BMAL1: variants seen among roughly 807,000 people sequenced by gnomAD.
BMAL1 encodes basic helix-loop-helix ARNT like 1.
the BMAL1 span, chr11:13,376,404 T>G: frequency 1.8e-6 from 1 of 543,166 alleles, no homozygotes; most frequent in Non-Finnish European, 3.3e-6. Flanking sequence ...AGCCACCACC[T>G]CTGCTGAACT....
At chr11:13,288,666 C>CAGTT in the BMAL1 span, among the ~76,000 whole-genome samples, 106 of 151,938 alleles carry the variant, frequency 7.0e-4, no homozygotes, top group South Asian at 7.1e-3. Flanking sequence ...AGCATCAGTC[C>CAGTT]AGTGTTAGTG....
the BMAL1 span, chr11:13,386,937 C>T: frequency 7.1e-6 from 4 of 559,932 alleles, no homozygotes; most frequent in South Asian, 1.6e-4. Flanking sequence ...CAAAGTGGAA[C>T]TAAGCCTGCT....
chr11:13,340,260 A>G, the BMAL1 span, among the ~76,000 whole-genome samples: 1 of 152,296 alleles, frequency 6.6e-6, no homozygotes, highest in South Asian at 2.1e-4. Flanking sequence ...AGCTGATGCT[A>G]CTATGTCACC....
chr11:13,288,430 T>TTTTC, the BMAL1 span, among the ~76,000 whole-genome samples: 1 of 5,146 alleles, frequency 1.9e-4, no homozygotes. Context: ...TTTTCTTTTT[T>TTTTC]TTTTTTTTGT....
At chr11:13,372,072 CTCCCTACCTACA>C in the BMAL1 span, 1 of 1,514,658 alleles carries the variant, frequency 6.6e-7, no homozygotes, top group Non-Finnish European at 8.9e-7. Context: ...TATTTTTTGA[CTCCCTACCTACA>C]TCCCATCCCA....
At chr11:13,298,201 T>C in the BMAL1 span, among the ~76,000 whole-genome samples, 2 of 152,232 alleles carry the variant, frequency 1.3e-5, no homozygotes, top group Non-Finnish European at 2.9e-5. Flanking sequence ...CAGCTGTACA[T>C]GCTGCTCCTA....
At chr11:13,278,348 A>G in the BMAL1 span, among the ~76,000 whole-genome samples, 93,614 of 152,106 alleles carry the variant, frequency 0.62, 29,674 homozygotes, top group Non-Finnish European at 0.7. Context: ...ACTCGGCCGA[A>G]GAGGACTCCT....
At chr11:13,355,196 C>A in the BMAL1 span, 3 of 1,597,316 alleles carry the variant, frequency 1.9e-6, no homozygotes, top group South Asian at 3.4e-5. Flanking sequence ...GGAGGTATAC[C>A]CCCTACAGCA....
chr11:13,306,877 A>C, the BMAL1 span, among the ~76,000 whole-genome samples: 1 of 152,232 alleles, frequency 6.6e-6, no homozygotes, highest in African/African-American at 2.4e-5. Flanking sequence ...GTGTGTTGGC[A>C]TCAGACCTCT....
chr11:13,307,491 C>G, the BMAL1 span, among the ~76,000 whole-genome samples: 1 of 152,166 alleles, frequency 6.6e-6, no homozygotes, highest in South Asian at 2.1e-4. Context: ...GTTAGACAGG[C>G]AAGACTTGGT....
At chr11:13,363,076 G>A in the BMAL1 span, among the ~76,000 whole-genome samples, 4 of 141,832 alleles carry the variant, frequency 2.8e-5, no homozygotes, top group Non-Finnish European at 3.1e-5. Context: ...GACATTTTGG[G>A]CTGGGGTACA....
At chr11:13,376,847 T>C in the BMAL1 span, 1 of 891,960 alleles carries the variant, frequency 1.1e-6, no homozygotes, top group South Asian at 1.7e-5. Flanking sequence ...AAGGGAGGCC[T>C]CGAGGGGATG....
At chr11:13,375,792 C>A in the BMAL1 span, 2 of 1,515,088 alleles carry the variant, frequency 1.3e-6, no homozygotes, top group South Asian at 1.3e-5. Flanking sequence ...CTGAAGCTCC[C>A]CTTGCTTCAA....
At chr11:13,372,117 T>C in the BMAL1 span, 9 of 1,607,834 alleles carry the variant, frequency 5.6e-6, no homozygotes, top group Middle Eastern at 4.1e-4. Flanking sequence ...TACACCTCCA[T>C]GGCCCAAACC....
chr11:13,310,895 G>C, the BMAL1 span, among the ~76,000 whole-genome samples: 1 of 152,326 alleles, frequency 6.6e-6, no homozygotes, highest in African/African-American at 2.4e-5. Flanking sequence ...AGAGGCATGG[G>C]CCCCTTTTGG....
chr11:13,341,881 C>T, the BMAL1 span, among the ~76,000 whole-genome samples: 2 of 152,254 alleles, frequency 1.3e-5, no homozygotes, highest in African/African-American at 2.4e-5. Context: ...ACCCTGTGCC[C>T]TCTTTGAATG....
the BMAL1 span, chr11:13,354,445 A>G: frequency 3.0e-5 from 48 of 1,613,836 alleles, no homozygotes; most frequent in Non-Finnish European, 3.9e-5. Context: ...TCCACTGACT[A>G]CCAGTAAGGC....
the BMAL1 span, chr11:13,386,484 A>T: frequency 8.5e-7 from 1 of 1,173,178 alleles, no homozygotes; most frequent in Non-Finnish European, 1.2e-6. Flanking sequence ...GCAGCATCTC[A>T]CCCTACCATT....
chr11:13,318,422 A>G, the BMAL1 span, among the ~76,000 whole-genome samples: 2 of 152,154 alleles, frequency 1.3e-5, no homozygotes, highest in African/African-American at 4.8e-5. Context: ...TAGCAACATA[A>G]AATTTTAAAT....
Sources: gnomAD v4.1 joint callset for allele counts (sites outside exome capture counted in the v4.1 genomes callset) on GRCh38, gnomAD v4.1.1 for gene constraint, MANE v1.5 for transcripts, NCBI Gene and HGNC (gene_info 2026-07-23, HGNC 2026-07-21) for gene names.